Variants in RNF126 observed in about 807,000 individuals in gnomAD.
The protein encoded by RNF126 is ring finger protein 126.
Under a neutral mutation model 41.9 loss-of-function variants are expected in RNF126, and 20 were observed. The observed-to-expected ratio is 0.48, with a 90% CI of 0.34 to 0.69. The LOEUF (loss-of-function observed/expected upper bound fraction) is 0.69. Among genes scored for constraint, RNF126 ranks in the 30% least tolerant of loss-of-function variants. The pLI is 0.01. For synonymous variants in RNF126, 239 were observed against 202.9 expected, an observed-to-expected ratio of 1.18 and a Z score of -1.51; for missense variants, 433 against 460.6, an observed-to-expected ratio of 0.94 and a Z score of 0.55.
Position 651,591 on chromosome 19 carries a change from C to T in RNF126, c.443+20G>A, listed in dbSNP as rs766536201. On this transcript the variant is annotated intron_variant, in intron 4 of 8. Coordinates refer to ENST00000292363, the MANE Select transcript of RNF126 (RefSeq NM_194460.3). ...CCTCAAGGCGTGGGGCCCTCGCGGCCACCCCCGGGGCCCCCTCACCCTTCC... is the reference window on the plus strand; with the variant it reads ...CCTCAAGGCGTGGGGCCCTCGCGGCTACCCCCGGGGCCCCCTCACCCTTCC... 5 of 1,398,738 alleles carry T rather than the reference C, an allele frequency of 3.6e-6. No homozygotes were observed. Among genetic ancestry groups the T allele is most frequent in the Admixed American group, 6.4e-5 (2 of 31,420 alleles). 86.6% of individuals were successfully genotyped at this position (1,398,738 alleles called of 1,614,324 possible).
rs550084017 is a variant in RNF126, at chr19:653,049, G to A, written c.76-165C>T. 5.9e-5 allele frequency among the ~76,000 whole-genome samples: 9 copies of A among 152,292 alleles called. No homozygotes were observed. In the South Asian group the frequency reaches 1.9e-3, roughly 32 times the overall value. Reference sequence around the variant, plus strand: ...GTGGGTCCTGGAGGGCGGCCGAGGGGACCTGGCCTCTGCCAGCCACCCGCT... The same window carrying A: ...GTGGGTCCTGGAGGGCGGCCGAGGGAACCTGGCCTCTGCCAGCCACCCGCT... On this transcript the variant is annotated intron_variant, in intron 1 of 8. Coordinates refer to ENST00000292363, the MANE Select transcript of RNF126 (RefSeq NM_194460.3).
At chr19:658,231 G>A (rs762006563) in intron 1 of RNF126, among the ~76,000 whole-genome samples, 4 of 152,128 alleles carry the variant, frequency 2.6e-5, no homozygotes, top group Non-Finnish European at 4.4e-5. Flanking sequence ...CCTCATCCCC[G>A]GGTGGGACCT....
chr19:656,512 G>A (rs969177473), intron 1 of RNF126, among the ~76,000 whole-genome samples: 8 of 152,082 alleles, frequency 5.3e-5, no homozygotes, highest in African/African-American at 1.4e-4. Context: ...AGCTGGGCAC[G>A]GTGGTGGGTG....
intron 1 of RNF126, among the ~76,000 whole-genome samples, chr19:656,265 G>C (rs1238017894): frequency 6.6e-6 from 1 of 152,092 alleles, no homozygotes; most frequent in Non-Finnish European, 1.5e-5. Flanking sequence ...TGCCAGGATC[G>C]CTTGAACCTG....
At chr19:649,139 G>A (rs2040737) in intron 6 of RNF126, 164 bp from the exon 7 acceptor site, 28,303 of 300,978 alleles carry the variant, frequency 0.094, 1,114 homozygotes, top group Middle Eastern at 0.16. Context: ...GAGCCCACGC[G>A]GCCCCCCCGC....
At chr19:652,146 C>T (rs1322520700) in intron 3 of RNF126, 87 bp downstream of exon 3, 1 of 1,142,988 alleles carries the variant, frequency 8.7e-7, no homozygotes, top group Non-Finnish European at 1.2e-6. Context: ...GCAGGGAGAG[C>T]CGGGGAGGCG....
chr19:648,183 G>A lies in RNF126; in HGVS notation c.881C>T (p.Ser294Leu), dbSNP rs778712595. Residue 294 changes from serine to leucine, a missense_variant, in exon 9 of 9, where the codon TCG becomes TTG. Ser to Leu is a moderately radical substitution (Grantham distance 145). Coordinates refer to ENST00000292363, the MANE Select transcript of RNF126 (RefSeq NM_194460.3). ...GGGCGAGCTGGAGGAGGACGATGAC[G>A]ACGAGGAGGAGAAGCTCACCCCAGT... ...GLTGVSFSSS[S>L]SSSSSSSPSN... is the part of the protein sequence containing the mutation. The A allele has an allele frequency of 7.5e-6, 12 of 1,607,332 alleles. No individual in the cohort carries two copies. The highest frequency in any genetic ancestry group is 1.1e-5 in the South Asian group (1 of 90,302).
chr19:651,404 T>G (rs1370068869), intron 4 of RNF126: 1 of 448,764 alleles, frequency 2.2e-6, no homozygotes, highest in Non-Finnish European at 3.8e-6. Context: ...CACTCTGTGG[T>G]CAACCCACAC....
Position 652,259 on chromosome 19 carries a change from T to G in RNF126, c.172A>C (p.Thr58Pro), listed in dbSNP as rs746528436. ...ENGSAPSTAP[T>P]DQSRPPLEHV... ...TCCAACGGTGGCCGGCTCTGGTCTG[T>G]GGGAGCTGTGGAGGGGGCAGAACCA... The change falls in exon 3 of 9, where the codon ACA becomes CCA. Residue 58 changes from threonine (T) to proline (P), a missense_variant. This residue lies in a region of RNF126 where 247 missense variants were observed against 224.7 expected (regional missense o/e 1.10). Transcript: ENST00000292363. 1.3e-6 allele frequency: 2 copies of G among 1,549,520 alleles called. No homozygotes were observed. The highest frequency in any genetic ancestry group is 2.8e-5 in the African/African-American group (2 of 71,904).
At chr19:658,747 C>T (rs1386607320) in intron 1 of RNF126, among the ~76,000 whole-genome samples, 1 of 152,224 alleles carries the variant, frequency 6.6e-6, no homozygotes, top group Non-Finnish European at 1.5e-5. Context: ...CCCCGCCTCA[C>T]ACCCCAGGGC....
intron 1 of RNF126, among the ~76,000 whole-genome samples, chr19:661,749 G>A (rs541410005): frequency 6.6e-6 from 1 of 152,256 alleles, no homozygotes; most frequent in South Asian, 2.1e-4. Flanking sequence ...TTCTCTTACG[G>A]GTCAAAGCGT....
intron 3 of RNF126, 182 bp from the exon 4 acceptor site, chr19:652,037 T>TG (rs776175852): frequency 6.7e-5 from 46 of 690,492 alleles, no homozygotes; most frequent in Admixed American, 1.3e-4. Context: ...GATGCCTCGG[T>TG]GGAAGTTTCG....
chr19:653,318 G>T (rs192386591), intron 1 of RNF126, among the ~76,000 whole-genome samples: 427 of 152,350 alleles, frequency 2.8e-3, no homozygotes, highest in Middle Eastern at 0.014. Context: ...TGGCTCGGGG[G>T]AGGCCACGTC....
At chr19:658,758 G>A (rs1338096621) in intron 1 of RNF126, among the ~76,000 whole-genome samples, 5 of 152,196 alleles carry the variant, frequency 3.3e-5, no homozygotes, top group Admixed American at 6.5e-5. Flanking sequence ...ACCCCAGGGC[G>A]TGCCTCGGCC....
intron 1 of RNF126, among the ~76,000 whole-genome samples, chr19:655,949 C>T (rs1261671596): frequency 2.0e-5 from 3 of 151,918 alleles, no homozygotes; most frequent in African/African-American, 4.8e-5. Context: ...CAGAAGACCA[C>T]GCAGCGTGTG....
chr19:648,351 G>A (rs571947269), intron 8 of RNF126, 21 bp downstream of exon 8: 9 of 574,400 alleles, frequency 1.6e-5, no homozygotes, highest in Admixed American at 9.7e-5. Flanking sequence ...GGGTGGGGGG[G>A]CGGGTGGGCG....
intron 8 of RNF126, 27 bp downstream of exon 8, chr19:648,345 G>T (rs7254550): frequency 0.062 from 30,865 of 496,958 alleles, 368 homozygotes; most frequent in Non-Finnish European, 0.093. Context: ...CGGTCGGGGT[G>T]GGGGGGCGGG....
At chr19:653,111 G>A (rs375963612) in intron 1 of RNF126, among the ~76,000 whole-genome samples, 81 of 150,828 alleles carry the variant, frequency 5.4e-4, no homozygotes, top group South Asian at 1.1e-3. Flanking sequence ...GAGCCCCTCC[G>A]ACCTGGCCCC....
intron 2 of RNF126, 117 bp from the exon 3 acceptor site, chr19:652,413 C>A: frequency 1.1e-6 from 1 of 876,682 alleles, no homozygotes; most frequent in South Asian, 1.6e-5. Context: ...CACTGCTTCC[C>A]ACCCGCCACC....
Sources: allele counts gnomAD v4.1 joint callset (sites outside exome capture counted in the v4.1 genomes callset), GRCh38; gene constraint gnomAD v4.1.1; regional missense constraint gnomAD v4.1.1; transcripts MANE v1.5; gene names NCBI Gene and HGNC (gene_info 2026-07-23, HGNC 2026-07-21).